The following SPAG16 variants were observed in gnomAD, a reference collection of about 807,000 sequenced individuals.
SPAG16 encodes the protein sperm associated antigen 16, also known as sperm-associated antigen 16 protein.
SPAG16 carries 86 observed loss-of-function variants against 80.4 expected under a neutral mutation model. The observed-to-expected ratio is 1.07, with a 90% CI of 0.90 to 1.28. SPAG16 has a LOEUF of 1.28. Among genes scored for constraint, SPAG16 ranks in the 50% most tolerant of loss-of-function variants. The pLI is 0.00. For synonymous variants in SPAG16, 294 were observed against 265.9 expected, an observed-to-expected ratio of 1.11 and a Z score of -1.03; for missense variants, 870 against 765.3, an observed-to-expected ratio of 1.14 and a Z score of -1.61.
intron 10 of SPAG16, among the ~76,000 whole-genome samples, chr2:213,750,530 T>A (rs972671772): frequency 6.6e-6 from 1 of 152,210 alleles, no homozygotes. Context: ...TTGTATTCTC[T>A]TTGATGGTAG....
At chr2:213,943,332 T>C (rs566689861) in intron 12 of SPAG16, among the ~76,000 whole-genome samples, 2 of 152,234 alleles carry the variant, frequency 1.3e-5, no homozygotes, top group East Asian at 3.9e-4. Context: ...AGGGGACTTT[T>C]AAATGTGAAT....
At chr2:214,244,964 T>G (rs1407846373) in intron 15 of SPAG16, among the ~76,000 whole-genome samples, 2 of 152,140 alleles carry the variant, frequency 1.3e-5, no homozygotes, top group African/African-American at 4.8e-5. Context: ...CTCAATGCTT[T>G]CTTAACTACA....
chr2:214,084,055 A>G (rs1382581903), intron 13 of SPAG16, among the ~76,000 whole-genome samples: 2 of 152,018 alleles, frequency 1.3e-5, no homozygotes, highest in South Asian at 2.1e-4. Context: ...AGAAAACCAT[A>G]TAACATTTAT....
At chr2:214,214,055 G>T (rs1450871152) in intron 15 of SPAG16, among the ~76,000 whole-genome samples, 1 of 151,958 alleles carries the variant, frequency 6.6e-6, no homozygotes, top group East Asian at 1.9e-4. Context: ...CTATTCCATC[G>T]CATGTGTCCT....
chr2:213,739,781 T>C (rs1364244312), intron 10 of SPAG16, among the ~76,000 whole-genome samples: 1 of 152,262 alleles, frequency 6.6e-6, no homozygotes, highest in African/African-American at 2.4e-5. Flanking sequence ...TTTGTGTTTT[T>C]AGTAGAGGTG....
chr2:213,543,153 A>G (rs1217763940), intron 10 of SPAG16, among the ~76,000 whole-genome samples: 1 of 152,084 alleles, frequency 6.6e-6, no homozygotes, highest in Non-Finnish European at 1.5e-5. Flanking sequence ...TGAAAGACAC[A>G]AACTACCAAA....
At chr2:214,217,859 T>A (rs1240390611) in intron 15 of SPAG16, among the ~76,000 whole-genome samples, 1 of 152,208 alleles carries the variant, frequency 6.6e-6, no homozygotes, top group Non-Finnish European at 1.5e-5. Context: ...CATTCTGAAG[T>A]GCTTTTGTAG....
intron 13 of SPAG16, among the ~76,000 whole-genome samples, chr2:214,071,811 A>G (rs1321294538): frequency 6.6e-6 from 1 of 152,154 alleles, no homozygotes; most frequent in East Asian, 1.9e-4. Flanking sequence ...AGGATGAAGA[A>G]CACAATTTTT....
At chr2:214,343,375 C>T (rs1325539560) in intron 15 of SPAG16, among the ~76,000 whole-genome samples, 1 of 151,786 alleles carries the variant, frequency 6.6e-6, no homozygotes, top group Non-Finnish European at 1.5e-5. Flanking sequence ...ATAGATCTTT[C>T]TATATTATTT....
intron 10 of SPAG16, among the ~76,000 whole-genome samples, chr2:213,548,549 A>G (rs963923728): frequency 1.1e-4 from 17 of 152,170 alleles, no homozygotes; most frequent in African/African-American, 3.9e-4. Context: ...TTCTATCTAT[A>G]TGATAGGTGC....
At chr2:213,573,092 T>C (rs57315930) in intron 10 of SPAG16, among the ~76,000 whole-genome samples, 65,287 of 151,538 alleles carry the variant, frequency 0.43, 14,826 homozygotes, top group African/African-American at 0.56. Flanking sequence ...CGCCCTGCTT[T>C]GGCTCACGCA....
intron 10 of SPAG16, among the ~76,000 whole-genome samples, chr2:213,532,332 A>T (rs1387985671): frequency 6.6e-6 from 1 of 152,180 alleles, no homozygotes; most frequent in Non-Finnish European, 1.5e-5. Flanking sequence ...TTCTAATTTA[A>T]TTTTTATATA....
At chr2:214,073,713 C>G (rs976349016) in intron 13 of SPAG16, among the ~76,000 whole-genome samples, 1 of 152,024 alleles carries the variant, frequency 6.6e-6, no homozygotes, top group African/African-American at 2.4e-5. Context: ...ATTCTTATGG[C>G]AATACAAAGG....
intron 10 of SPAG16, among the ~76,000 whole-genome samples, chr2:213,790,720 T>G (rs2070644594): frequency 6.6e-6 from 1 of 152,032 alleles, no homozygotes; most frequent in Non-Finnish European, 1.5e-5. Context: ...TGTGTGCATG[T>G]GTGTATATGC....
chr2:213,567,479 G>C (rs1198778193), intron 10 of SPAG16, among the ~76,000 whole-genome samples: 1 of 114,814 alleles, frequency 8.7e-6, no homozygotes, highest in African/African-American at 3.9e-5. Flanking sequence ...GAGAATATGC[G>C]GTGTTTGGTT....
At chr2:213,572,483 T>TG (rs1223169154) in intron 10 of SPAG16, among the ~76,000 whole-genome samples, 1 of 149,932 alleles carries the variant, frequency 6.7e-6, no homozygotes, top group East Asian at 2.0e-4. Context: ...GCAGGTCTGT[T>TG]GGAGTACCCT....
chr2:214,026,399 A>T (rs1221806141), intron 13 of SPAG16, among the ~76,000 whole-genome samples: 1 of 151,560 alleles, frequency 6.6e-6, no homozygotes, highest in East Asian at 1.9e-4. Context: ...AAAAGTGCAA[A>T]TTAACAATAT....
intron 10 of SPAG16, among the ~76,000 whole-genome samples, chr2:213,736,839 G>A (rs1001113706): frequency 3.3e-5 from 5 of 151,676 alleles, no homozygotes; most frequent in African/African-American, 7.3e-5. Flanking sequence ...CAAGTAGCTG[G>A]GATTACAGGC....
intron 9 of SPAG16, among the ~76,000 whole-genome samples, chr2:213,436,487 G>A (rs1279356282): frequency 6.6e-6 from 1 of 152,008 alleles, no homozygotes; most frequent in Non-Finnish European, 1.5e-5. Context: ...TAATATAATT[G>A]TATCATTGGA....
Sources: gnomAD v4.1 joint callset for allele counts (sites outside exome capture counted in the v4.1 genomes callset) on GRCh38, gnomAD v4.1.1 for gene constraint, MANE v1.5 for transcripts, NCBI Gene and HGNC (gene_info 2026-07-23, HGNC 2026-07-21) for gene names.